EPHA4: variants seen among roughly 807,000 people sequenced by gnomAD.
The protein encoded by EPHA4 is EPH receptor A4.
EPHA4 carries 19 observed loss-of-function variants against 108.3 expected under a neutral mutation model. The ratio of observed to expected loss-of-function variants is 0.18; its 90% CI spans 0.12 to 0.26. The LOEUF is 0.26. Among genes scored for constraint, EPHA4 ranks in the 10% least tolerant of loss-of-function variants. The pLI is 1.00. For synonymous variants in EPHA4, 449 were observed against 455.5 expected (o/e 0.99, Z 0.18); for missense variants, 917 against 1,254.0 (o/e 0.73, Z 4.06).
At chr2:221,476,427 T>C (rs995657908) in intron 5 of EPHA4, among the ~76,000 whole-genome samples, 2 of 152,220 alleles carry the variant, frequency 1.3e-5, no homozygotes, top group Non-Finnish European at 2.9e-5. Context: ...TATGCAATAG[T>C]CTTGTTGTCT....
At chr2:221,529,643 G>A (rs1693448285) in intron 3 of EPHA4, among the ~76,000 whole-genome samples, 1 of 152,078 alleles carries the variant, frequency 6.6e-6, no homozygotes, top group Admixed American at 6.5e-5. Context: ...TTATCTTTAC[G>A]CCTGGACTTA....
At chr2:221,421,881 A>T (rs1689772090) in intron 17 of EPHA4, 1 of 152,134 alleles carries the variant, frequency 6.6e-6, no homozygotes. Flanking sequence ...ATAAAATTTA[A>T]TTTTTTGTAG....
intron 8 of EPHA4, among the ~76,000 whole-genome samples, chr2:221,453,624 C>T (rs751292293): frequency 1.3e-5 from 2 of 152,042 alleles, no homozygotes; most frequent in Admixed American, 6.6e-5. Flanking sequence ...AGAGGGCATG[C>T]CAATGTCTAT....
chr2:221,550,349 T>G lies in EPHA4; in HGVS notation c.823+13382A>C, dbSNP rs10209674. On this transcript the variant is annotated intron_variant, in intron 3 of 17. Coordinates refer to ENST00000281821, the MANE Select transcript of EPHA4 (RefSeq NM_004438.5). ...CATGCACATTAACATTCTACAGTGC[T>G]AATTTTTTAATGTAAAACTATTTTA... 6.2e-3 allele frequency among the ~76,000 whole-genome samples: 942 copies of G among 151,736 alleles called. 15 individuals carry two copies. Among genetic ancestry groups the G allele is most frequent in the African/African-American group, 0.021 (890 of 41,414 alleles).
intron 9 of EPHA4, among the ~76,000 whole-genome samples, chr2:221,444,411 G>C (rs188128574): frequency 6.6e-6 from 1 of 152,106 alleles, no homozygotes; most frequent in African/African-American, 2.4e-5. Flanking sequence ...TCCTGGAGCT[G>C]TTGGGGCACT....
chr2:221,438,979 C>T (rs1690331319), intron 11 of EPHA4, among the ~76,000 whole-genome samples: 1 of 152,008 alleles, frequency 6.6e-6, no homozygotes, highest in Non-Finnish European at 1.5e-5. Flanking sequence ...AATTTTTCAC[C>T]TTAGGGGCAA....
rs955314617 is a variant in EPHA4 at position 221,571,881 on chromosome 2, G to T, written c.91+277C>A. ...CCCGTGCATCCCCTCAGGGCGCCTC[G>T]AGCGGGCCTCTCTGGCGGATGCTGA... On this transcript the variant is annotated intron_variant, in intron 1 of 17. Coordinates refer to ENST00000281821, the MANE Select transcript of EPHA4 (RefSeq NM_004438.5). The surrounding 1 kb of genome is among the most constrained non-coding windows in gnomAD (Gnocchi z 6.3). Among the ~76,000 whole-genome samples, 2 of 152,130 alleles carry T rather than the reference G, an allele frequency of 1.3e-5. No homozygotes were observed. The highest frequency in any genetic ancestry group is 2.9e-5 in the Non-Finnish European group (2 of 68,022).
intron 3 of EPHA4, among the ~76,000 whole-genome samples, chr2:221,526,255 C>T (rs1693321182): frequency 6.8e-6 from 1 of 147,570 alleles, no homozygotes; most frequent in Non-Finnish European, 1.5e-5. Flanking sequence ...CATAATCATA[C>T]TAAATATATA....
chr2:221,466,961 A>C (rs1430214), intron 5 of EPHA4, among the ~76,000 whole-genome samples: 3 of 152,094 alleles, frequency 2.0e-5, no homozygotes, highest in African/African-American at 7.2e-5. Context: ...AGCAGCAACA[A>C]CGTAAATCTT....
Position 221,572,270 on chromosome 2 carries a change from C to G in EPHA4, c.-22G>C. The G allele has an allele frequency of 6.3e-7, 1 of 1,589,794 alleles. No individual in the cohort carries two copies. The highest frequency in any genetic ancestry group is 1.1e-5 in the South Asian group (1 of 90,546). ...CCATGGTTCGCCGGTGCCAACGCTG[C>G]TCCTGCCGCTTCTATCCCAGTGGAA... On this transcript the variant is annotated 5_prime_UTR_variant, in exon 1 of 18. Transcript: ENST00000281821.
In EPHA4 at chr2:221,419,012, T is replaced by A. The variant is rs1461225893; in HGVS notation, c.*2360A>T. 3.3e-5 allele frequency: 5 copies of A among 152,672 alleles called. No homozygotes were observed. The highest frequency in any genetic ancestry group is 1.2e-4 in the African/African-American group (5 of 41,460). The allele number at this position is 152,672 out of a possible 1,614,324, so 9.5% of individuals were successfully genotyped here. On this transcript the variant is annotated 3_prime_UTR_variant, in exon 18 of 18. Transcript: ENST00000281821. The stretch of plus-strand genomic sequence containing the variant: ...AATGTAATAAATATTTATTGATGAT[T>A]TTCTCTACTTATTCAACAATAAATG...
chr2:221,520,076 A>G (rs182767104), intron 3 of EPHA4, among the ~76,000 whole-genome samples: 74 of 152,282 alleles, frequency 4.9e-4, no homozygotes, highest in East Asian at 2.5e-3. Context: ...TTTAAAAAGT[A>G]TGATGTTCAT....
intron 3 of EPHA4, among the ~76,000 whole-genome samples, chr2:221,508,734 T>C (rs1042773041): frequency 6.6e-6 from 1 of 152,002 alleles, no homozygotes; most frequent in Non-Finnish European, 1.5e-5. Flanking sequence ...CTTATAGAAA[T>C]GGGTAGCTGC....
chr2:221,449,604 A>T (rs944112636), intron 8 of EPHA4, among the ~76,000 whole-genome samples: 1 of 152,176 alleles, frequency 6.6e-6, no homozygotes, highest in Non-Finnish European at 1.5e-5. Flanking sequence ...TCCAAGGGAC[A>T]TGGTAATAAG....
intron 3 of EPHA4, among the ~76,000 whole-genome samples, chr2:221,513,968 T>C (rs951858589): frequency 2.6e-5 from 4 of 152,054 alleles, no homozygotes; most frequent in African/African-American, 9.7e-5. Flanking sequence ...CCAGGGATGG[T>C]AGCAAAGATG....
At position 221,526,852 on chromosome 2, in the gene EPHA4, C is replaced by CAAAA. The variant is rs528335766; in HGVS notation, c.824-25684_824-25681dup. ...TGGGCAATATAGCCAGACTCGGCCT[C>CAAAA]AAAAAAAAAAAAAAAAAAAAAAAAA... On this transcript the variant is annotated intron_variant, in intron 3 of 17. Transcript: ENST00000281821. 1.2e-4 allele frequency among the ~76,000 whole-genome samples: 6 copies of CAAAA among 48,618 alleles called. 1 individual carries two copies. Among genetic ancestry groups the CAAAA allele is most frequent in the Admixed American group, 3.4e-4 (1 of 2,906 alleles). The allele number at this position is 48,618 out of a possible 152,430, so 31.9% of individuals were successfully genotyped here. A position where few individuals can be genotyped will look rare whatever the true frequency, so the allele number is the denominator to read the frequency against.
chr2:221,524,011 TA>T (rs1693250338), intron 3 of EPHA4, among the ~76,000 whole-genome samples: 1 of 152,062 alleles, frequency 6.6e-6, no homozygotes, highest in African/African-American at 2.4e-5. Context: ...CAAATATATA[TA>T]TAAAATGCCT....
chr2:221,543,768 T>C (rs1693904127), intron 3 of EPHA4, among the ~76,000 whole-genome samples: 2 of 152,208 alleles, frequency 1.3e-5, no homozygotes, highest in Admixed American at 1.3e-4. Context: ...ATACAGGGCT[T>C]AGAAGGATAA....
intron 3 of EPHA4, among the ~76,000 whole-genome samples, chr2:221,546,539 T>C (rs1314477618): frequency 6.6e-6 from 1 of 152,082 alleles, no homozygotes; most frequent in African/African-American, 2.4e-5. Context: ...TAAGCCTCAG[T>C]TTCCTCATCT....
Sources: gnomAD v4.1 joint callset for allele counts (sites outside exome capture counted in the v4.1 genomes callset) on GRCh38, gnomAD v4.1.1 for gene constraint, Gnocchi (gnomAD v3.1) non-coding constraint, MANE v1.5 for transcripts, NCBI Gene and HGNC (gene_info 2026-07-23, HGNC 2026-07-21) for gene names.